Variants in SF1 observed in about 807,000 individuals in gnomAD.
SF1 encodes branch point-binding protein.
In SF1, 7 loss-of-function variants were observed where a neutral mutation model predicts 62.5. That is an observed-to-expected ratio of 0.11 (90% CI 0.06 to 0.21). The LOEUF is 0.21. Ranked by LOEUF, SF1 falls within the 10% of genes least tolerant of loss-of-function variation. The pLI is 1.00. For synonymous variants in SF1, 394 were observed against 323.6 expected, an observed-to-expected ratio of 1.22 and a Z score of -2.33; for missense variants, 578 against 884.0, an observed-to-expected ratio of 0.65 and a Z score of 4.39.
At chr11:64,769,777 G>A (rs181743253) in intron 5 of SF1, 168 bp from the exon 6 acceptor site, 3 of 753,548 alleles carry the variant, frequency 4.0e-6, no homozygotes, top group Middle Eastern at 2.9e-4. Context: ...TAAACCTGAG[G>A]ATTTGACTTC....
rs1264608442 is a variant in SF1 at position 64,778,510 on chromosome 11, TCA to T, written c.-120_-119del. ...GCCGGAGCGCGCGGAGCCCGTCCTC[TCA>T]CGCGGCGGGCGGCGGCGGCGCGAGA... is the stretch of plus-strand genomic sequence containing the variant. On this transcript the variant is annotated 5_prime_UTR_variant, in exon 1 of 13. Transcript: ENST00000377390. The T allele has an allele frequency of 1.8e-6, 2 of 1,130,908 alleles. No homozygotes were observed. The highest frequency in any genetic ancestry group is 2.2e-6 in the Non-Finnish European group (2 of 925,610). The allele number at this position is 1,130,908 out of a possible 1,614,324, so 70.1% of individuals were successfully genotyped here. A position where few individuals can be genotyped will look rare whatever the true frequency, so the allele number is the denominator to read the frequency against.
At position 64,768,187 on chromosome 11, in the gene SF1, C is replaced by G; in HGVS notation, c.987G>C (p.Val329=). 5 of 1,614,018 alleles carry G rather than the reference C, an allele frequency of 3.1e-6. No individual in the cohort carries two copies. The highest frequency in any genetic ancestry group is 4.2e-6 in the Non-Finnish European group (5 of 1,179,952). Residue 329 remains valine (V), a synonymous_variant, in exon 9 of 13, where the codon GTG becomes GTC. Coordinates refer to ENST00000377390, the MANE Select transcript of SF1 (RefSeq NM_004630.4). ...ELGEAPVPAS[V]GSTSGPATTP... ...TGGTGGCAGGCCCAGAGGTGGAGCCCACAGATGCTGGGACAGGTGCTTCAC... is the reference window on the plus strand; with the variant it reads ...TGGTGGCAGGCCCAGAGGTGGAGCCGACAGATGCTGGGACAGGTGCTTCAC...
rs771749283 is a variant in SF1 at position 64,776,484 on chromosome 11, G to A, written c.160+14C>T. 45 of 1,566,838 alleles carry A rather than the reference G, an allele frequency of 2.9e-5. No homozygotes were observed. In the African/African-American group the frequency reaches 3.2e-4, roughly 11 times the overall value. On this transcript the variant is annotated intron_variant, in intron 2 of 12. Transcript: ENST00000377390. ...CAATCTCAAAGTGCATTTGGATGCA[G>A]AACGTATATTTACCTATATAAGCTC...
At chr11:64,775,590 G>A (rs1939081849) in intron 2 of SF1, among the ~76,000 whole-genome samples, 1 of 152,192 alleles carries the variant, frequency 6.6e-6, no homozygotes, top group Admixed American at 6.5e-5. Flanking sequence ...GAAGCTTTTT[G>A]GTTGTGAAGG....
chr11:64,773,052 T>C, intron 3 of SF1: 1 of 1,083,186 alleles, frequency 9.2e-7, no homozygotes, highest in African/African-American at 1.7e-5. Flanking sequence ...TTTTAGTCCC[T>C]GCACTGTGTA....
intron 1 of SF1, chr11:64,777,919 G>T: frequency 1.0e-6 from 1 of 965,396 alleles, no homozygotes; most frequent in South Asian, 4.7e-5. Context: ...CGTCGCCGCC[G>T]CCGCGCGCCC....
chr11:64,768,916 G>A, intron 8 of SF1, 106 bp downstream of exon 8: 1 of 823,008 alleles, frequency 1.2e-6, no homozygotes. Context: ...CACACTAACA[G>A]AAAGGATGTT....
At chr11:64,772,045 C>A in intron 3 of SF1, 1 of 985,390 alleles carries the variant, frequency 1.0e-6, no homozygotes, top group Non-Finnish European at 1.2e-6. Context: ...ACCCAATTGG[C>A]CATGTGAAGG....
rs553278015 is a variant in SF1 at position 64,770,445 on chromosome 11, G to T, written c.237-37C>A. 10 of 1,597,250 alleles carry T rather than the reference G, an allele frequency of 6.3e-6. No homozygotes were observed. In the Admixed American group the frequency reaches 1.2e-4, roughly 19 times the overall value. ...AGACTCCCGTTTACTATTCTGCACC[G>T]ACTTCTCTCATTCCCACACGGACTA... On this transcript the variant is annotated intron_variant, in intron 3 of 12. Transcript: ENST00000377390.
chr11:64,769,931 A>C (rs1327736150), intron 5 of SF1, 33 bp downstream of exon 5: 1 of 1,513,714 alleles, frequency 6.6e-7, no homozygotes, highest in Non-Finnish European at 9.2e-7. Flanking sequence ...GCTCTAAAGG[A>C]ATTCTATATC....
In SF1 at chr11:64,769,705, G is replaced by T; in HGVS notation, c.480-96C>A. 3.5e-6 allele frequency: 4 copies of T among 1,142,218 alleles called. No individual in the cohort carries two copies. The South Asian group carries it at 4.3e-5, about 12-fold the overall frequency. 70.8% of individuals were successfully genotyped at this position (1,142,218 alleles called of 1,614,324 possible). A position where few individuals can be genotyped will look rare whatever the true frequency, so the allele number is the denominator to read the frequency against. The stretch of plus-strand genomic sequence containing the variant: ...ATTTGGCATTGGTGGGAAACCACAA[G>T]CGCAGAGAATTGGATTTTCCCACCA... On this transcript the variant is annotated intron_variant, in intron 5 of 12. Transcript: ENST00000377390.
intron 1 of SF1, chr11:64,777,849 G>A (rs1390962258): frequency 4.2e-6 from 4 of 942,166 alleles, no homozygotes; most frequent in Non-Finnish European, 5.0e-6. Context: ...CGCGCGCCCA[G>A]GGGCGCCTCC....
intron 3 of SF1, chr11:64,772,794 CCCTTT>C (rs1236535859): frequency 1.8e-5 from 18 of 985,182 alleles, no homozygotes; most frequent in Non-Finnish European, 2.2e-5. Context: ...GGCCCACGCT[CCCTTT>C]AAGGAAAAAA....
chr11:64,766,153 T>C lies in SF1; in HGVS notation c.1585A>G (p.Thr529Ala), dbSNP rs1184786131. The C allele has an allele frequency of 6.2e-7, 1 of 1,603,800 alleles. No individual in the cohort carries two copies. Among genetic ancestry groups the C allele is most frequent in the Non-Finnish European group, 8.5e-7 (1 of 1,179,568 alleles). Residue 529 changes from threonine (T) to alanine (A), a missense_variant and splice_region_variant, in exon 13 of 13, where the codon ACG becomes GCG. Physicochemically the swap from Thr to Ala is moderately conservative, Grantham distance 58 (BLOSUM62 0). Transcript: ENST00000377390. Reference protein sequence around the residue: ...SSTPLPWQQNTTTTTTSAGTG... With the variant: ...SSTPLPWQQNATTTTTSAGTG... ...CCAGCGCTCGTGGTGGTAGTCGTCG[T>C]ATCTGGGGTGGTAAAGAAGCCCAAG...
chr11:64,768,993 C>G (rs774019682), intron 8 of SF1, 29 bp downstream of exon 8: 1 of 1,497,022 alleles, frequency 6.7e-7, no homozygotes, highest in Non-Finnish European at 9.3e-7. Flanking sequence ...TCGCAGGCTA[C>G]CAGGAAACCG....
At chr11:64,778,091 G>A in intron 1 of SF1, 1 of 942,612 alleles carries the variant, frequency 1.1e-6, no homozygotes, top group African/African-American at 1.8e-5. Flanking sequence ...CGGAGGGGGC[G>A]GCTGCGGCGG....
chr11:64,772,283 G>C (rs559909185), intron 3 of SF1: 1 of 984,260 alleles, frequency 1.0e-6, no homozygotes, highest in African/African-American at 1.8e-5. Context: ...AGGCCAAAAA[G>C]GCACTAAACA....
intron 3 of SF1, chr11:64,772,602 A>G (rs953627002): frequency 1.0e-6 from 1 of 984,980 alleles, no homozygotes; most frequent in Non-Finnish European, 1.2e-6. Context: ...ACTATTCTGT[A>G]TGTACTAAGA....
intron 8 of SF1, 130 bp downstream of exon 8, chr11:64,768,892 A>T (rs1261255859): frequency 1.1e-5 from 8 of 732,392 alleles, no homozygotes; most frequent in Non-Finnish European, 2.0e-5. Context: ...GCTTTAAATC[A>T]CACCATTACA....
Sources: gnomAD v4.1 joint callset for allele counts (sites outside exome capture counted in the v4.1 genomes callset) on GRCh38, gnomAD v4.1.1 for gene constraint, MANE v1.5 for transcripts, NCBI Gene and HGNC (gene_info 2026-07-23, HGNC 2026-07-21) for gene names.